Variants in SETBP1 observed in about 807,000 individuals in gnomAD.
The protein encoded by SETBP1 is SET binding protein 1.
A neutral mutation model predicts 101.0 loss-of-function variants in SETBP1; 9 were observed. That is an observed-to-expected ratio of 0.09 (90% confidence interval 0.05 to 0.16). The LOEUF is 0.16. Ranked by LOEUF, SETBP1 falls within the 10% of genes least tolerant of loss-of-function variation. The pLI, the probability that SETBP1 is intolerant of heterozygous loss-of-function variation, is 1.00. For synonymous variants in SETBP1, 818 were observed against 788.5 expected, an observed-to-expected ratio of 1.04 and a Z score of -0.63; for missense variants, 1,858 against 2,033.8, an observed-to-expected ratio of 0.91 and a Z score of 1.66.
At chr18:44,720,079 A>T (rs756042103) in intron 2 of SETBP1, among the ~76,000 whole-genome samples, 1 of 152,218 alleles carries the variant, frequency 6.6e-6, no homozygotes, top group South Asian at 2.1e-4. Flanking sequence ...TTGTGTGCTC[A>T]TACACATATG....
rs551112621 is a variant in SETBP1, at chr18:45,052,400, T to G, written c.4172-10679T>G. The stretch of plus-strand genomic sequence containing the variant: ...AAGATATGAAGTGTTCATAAAAAGC[T>G]TTAAGACTGAATTATAAACTGAATT... On this transcript the variant is annotated intron_variant, in intron 5 of 5. Transcript: ENST00000649279. Among the ~76,000 whole-genome samples the G allele has an allele frequency of 2.0e-5, 3 of 152,334 alleles. No homozygotes were observed. In the South Asian group the frequency reaches 6.2e-4, roughly 32 times the overall value.
chr18:44,909,641 A>T (rs879753410), intron 3 of SETBP1, among the ~76,000 whole-genome samples: 1 of 152,232 alleles, frequency 6.6e-6, no homozygotes, highest in Admixed American at 6.5e-5. Context: ...ATCTTAGCTC[A>T]CGTTCACTGA....
chr18:44,819,388 C>G (rs2072054427), intron 2 of SETBP1, among the ~76,000 whole-genome samples: 1 of 152,186 alleles, frequency 6.6e-6, no homozygotes, highest in African/African-American at 2.4e-5. Flanking sequence ...CTGTATATCA[C>G]TGGATGTTTT....
intron 4 of SETBP1, among the ~76,000 whole-genome samples, chr18:44,963,562 A>G (rs529834708): frequency 1.4e-4 from 22 of 152,288 alleles, no homozygotes; most frequent in African/African-American, 5.3e-4. Context: ...TTACCCACCT[A>G]CTGGTAAACA....
At chr18:44,870,957 A>C (rs1343521674) in intron 3 of SETBP1, 1 of 152,246 alleles carries the variant, frequency 6.6e-6, no homozygotes, top group Non-Finnish European at 1.5e-5. Flanking sequence ...AGGTTCGTGC[A>C]TAACATTTGA....
intron 2 of SETBP1, among the ~76,000 whole-genome samples, chr18:44,812,761 A>T (rs576828247): frequency 6.6e-6 from 1 of 152,218 alleles, no homozygotes; most frequent in African/African-American, 2.4e-5. Context: ...GATGAAGCCA[A>T]TATGTAAGCT....
At chr18:44,977,698 T>C (rs982334286) in intron 4 of SETBP1, among the ~76,000 whole-genome samples, 4 of 152,182 alleles carry the variant, frequency 2.6e-5, no homozygotes, top group African/African-American at 9.7e-5. Flanking sequence ...TGGGACAGAT[T>C]TTAGGGATGA....
intron 2 of SETBP1, among the ~76,000 whole-genome samples, chr18:44,829,883 C>T (rs1176708893): frequency 6.6e-6 from 1 of 152,150 alleles, no homozygotes; most frequent in Admixed American, 6.5e-5. Context: ...CATTGCCTAA[C>T]CCTTCTTGTC....
rs143332481 is a variant in SETBP1, at chr18:44,867,424, A to G, written c.487-1806A>G. Among the ~76,000 whole-genome samples, 3 of 152,272 alleles carry G rather than the reference A, an allele frequency of 2.0e-5. No homozygotes were observed. The East Asian group carries it at 5.8e-4, about 29-fold the overall frequency. ...CAAGGCCAAATGCAAGCTCCATCTTATTTCAACAAGCCCACCCTGACTGCT... is the reference window on the plus strand; with the variant it reads ...CAAGGCCAAATGCAAGCTCCATCTTGTTTCAACAAGCCCACCCTGACTGCT... On this transcript the variant is annotated intron_variant, in intron 2 of 5. Coordinates refer to ENST00000649279, the MANE Select transcript of SETBP1 (RefSeq NM_015559.3).
intron 3 of SETBP1, among the ~76,000 whole-genome samples, chr18:44,907,970 C>T (rs61550733): frequency 0.053 from 8,047 of 152,136 alleles, 718 homozygotes; most frequent in African/African-American, 0.18. Context: ...TTAGCTCTTG[C>T]CTTTAGGTTT....
intron 5 of SETBP1, among the ~76,000 whole-genome samples, chr18:45,042,999 C>T (rs16978259): frequency 0.13 from 19,301 of 152,144 alleles, 1,864 homozygotes; most frequent in African/African-American, 0.27. Context: ...GCAGTAAAAG[C>T]GCCACTAAAG....
chr18:44,681,898 G>A (rs1174544311), intron 1 of SETBP1, among the ~76,000 whole-genome samples: 1 of 151,852 alleles, frequency 6.6e-6, no homozygotes, highest in East Asian at 1.9e-4. Context: ...TCCTCCAAAA[G>A]GGCAGTTTAT....
rs938161240 is a variant in SETBP1, at chr18:44,701,245, C to T, written c.-102C>T. ...TGGGAATCTGACCCTAGCAACTGGA[C>T]CACTTTGTTCTTGGAATTTTGGGTG... is the stretch of plus-strand genomic sequence containing the variant. On this transcript the variant is annotated 5_prime_UTR_variant, in exon 2 of 6. Coordinates refer to ENST00000649279, the MANE Select transcript of SETBP1 (RefSeq NM_015559.3). 2.5e-5 allele frequency: 33 copies of T among 1,335,144 alleles called. No homozygotes were observed. The highest frequency in any genetic ancestry group is 3.1e-5 in the Non-Finnish European group (31 of 999,130). The allele number at this position is 1,335,144 out of a possible 1,614,324, so 82.7% of individuals were successfully genotyped here. A position where few individuals can be genotyped will look rare whatever the true frequency, so the allele number is the denominator to read the frequency against.
At chr18:44,713,033 A>T (rs909688441) in intron 2 of SETBP1, among the ~76,000 whole-genome samples, 11 of 133,858 alleles carry the variant, frequency 8.2e-5, no homozygotes, top group Non-Finnish European at 1.7e-4. Context: ...ATCTCTGCTT[A>T]CTGCAAGCTC....
In SETBP1 at chr18:45,040,144, C is replaced by G. The variant is rs868513545; in HGVS notation, c.4171+1489C>G. Among the ~76,000 whole-genome samples, 6 of 152,278 alleles carry G rather than the reference C, an allele frequency of 3.9e-5. 1 individual carries two copies. The Middle Eastern group carries it at 0.017, about 432-fold the overall frequency. The stretch of plus-strand genomic sequence containing the variant: ...TGTTCTCTCCAGCCATTTGAAAACT[C>G]TTGCTCTGAAGGAATGGGGTCATCT... On this transcript the variant is annotated intron_variant, in intron 5 of 5. Transcript: ENST00000649279.
At chr18:44,923,617 A>G (rs969802128) in intron 3 of SETBP1, among the ~76,000 whole-genome samples, 14 of 152,288 alleles carry the variant, frequency 9.2e-5, no homozygotes, top group Middle Eastern at 6.8e-3. Context: ...CATTTGGGGG[A>G]AAAATTAAGT....
intron 1 of SETBP1, among the ~76,000 whole-genome samples, chr18:44,697,790 T>G (rs1394929755): frequency 6.6e-6 from 1 of 152,226 alleles, no homozygotes; most frequent in Non-Finnish European, 1.5e-5. Flanking sequence ...GTCTGGAGTT[T>G]ACAGAATGTT....
chr18:45,031,685 T>C (rs1301154133), intron 4 of SETBP1, among the ~76,000 whole-genome samples: 1 of 152,220 alleles, frequency 6.6e-6, no homozygotes, highest in African/African-American at 2.4e-5. Flanking sequence ...AAGTACCTAG[T>C]ATCTACCAAG....
In SETBP1 at chr18:44,699,988, A is replaced by T. The variant is rs771102334; in HGVS notation, c.-172-1187A>T. Among the ~76,000 whole-genome samples, 48 of 152,224 alleles carry T rather than the reference A, an allele frequency of 3.2e-4. 1 individual carries two copies. The highest frequency in any genetic ancestry group is 5.0e-4 in the Non-Finnish European group (34 of 68,030). ...ATGGGCTCAGAGGTAGAAACCTAAGATGTACAGTCATGTCTTCTGCTGGGA... is the reference window on the plus strand; with the variant it reads ...ATGGGCTCAGAGGTAGAAACCTAAGTTGTACAGTCATGTCTTCTGCTGGGA... On this transcript the variant is annotated intron_variant, in intron 1 of 5. Coordinates refer to ENST00000649279, the MANE Select transcript of SETBP1 (RefSeq NM_015559.3).
Sources: gnomAD v4.1 joint callset for allele counts (sites outside exome capture counted in the v4.1 genomes callset) on GRCh38, gnomAD v4.1.1 for gene constraint, MANE v1.5 for transcripts, NCBI Gene and HGNC (gene_info 2026-07-23, HGNC 2026-07-21) for gene names.